TMEM91: variants seen among roughly 807,000 people sequenced by gnomAD.
TMEM91 encodes the protein dispanin subfamily C member 3.
A neutral mutation model predicts 13.3 loss-of-function variants in TMEM91; 6 were observed. The observed-to-expected ratio is 0.45, with a 90% CI of 0.25 to 0.89. The LOEUF (loss-of-function observed/expected upper bound fraction) is 0.89, where lower values mean the gene tolerates loss of function less well. TMEM91 is among the 40% of genes least tolerant of loss of function. The probability of loss-of-function intolerance (pLI) is 0.19; values close to 1 mark genes in which losing one functional copy is unlikely to be tolerated. For synonymous variants in TMEM91, 87 were observed against 101.7 expected (o/e 0.86, Z 0.87); for missense variants, 193 against 228.7 (o/e 0.84, Z 1.01).
upstream of TMEM91, among the ~76,000 whole-genome samples, chr19:41,373,189 C>A (rs879740905): frequency 6.6e-6 from 1 of 152,140 alleles, no homozygotes; most frequent in Non-Finnish European, 1.5e-5. Flanking sequence ...ATCCTCCCAC[C>A]TTGGCCTCCC....
intron 1 of TMEM91, among the ~76,000 whole-genome samples, chr19:41,368,434 T>A (rs8103493): frequency 3.6e-5 from 5 of 137,668 alleles, no homozygotes; most frequent in Non-Finnish European, 6.1e-5. Flanking sequence ...TTGGGGGGGG[T>A]GGTTATTGGG....
intron 2 of TMEM91, 51 bp from the exon 3 acceptor site, chr19:41,382,721 G>T (rs762328099): frequency 6.3e-7 from 1 of 1,589,474 alleles, no homozygotes; most frequent in Non-Finnish European, 8.6e-7. Context: ...CAGAGCAATG[G>T]GGCAGGAAAG....
upstream of TMEM91, among the ~76,000 whole-genome samples, chr19:41,375,283 T>C (rs995132069): frequency 2.3e-5 from 2 of 85,316 alleles, no homozygotes; most frequent in Admixed American, 1.1e-4. Flanking sequence ...CTTTTTTTTT[T>C]TTTTTTTTTT....
In TMEM91 at chr19:41,378,689, A is replaced by T. The variant is rs553443739; in HGVS notation, c.210+170A>T. Among the ~76,000 whole-genome samples the T allele has an allele frequency of 9.9e-5, 15 of 151,990 alleles. No homozygotes were observed. The South Asian group carries it at 1.0e-3, about 11-fold the overall frequency. On this transcript the variant is annotated intron_variant, in intron 2 of 3. Coordinates refer to ENST00000392002, the MANE Select transcript of TMEM91 (RefSeq NM_001098821.2). ...TTCCAGTTACGGTTCTTCTTGTTTT[A>T]TGTCTCTCATCTTTGTTGCCTGGCT...
At chr19:41,364,950 T>C (rs531000778) in intron 1 of TMEM91, among the ~76,000 whole-genome samples, 1 of 151,628 alleles carries the variant, frequency 6.6e-6, no homozygotes, top group East Asian at 1.9e-4. Flanking sequence ...TCACAGCTCA[T>C]TGCAGCCTCT....
chr19:41,370,236 C>T (rs929854599), intron 1 of TMEM91, among the ~76,000 whole-genome samples: 17 of 151,910 alleles, frequency 1.1e-4, no homozygotes, highest in African/African-American at 4.1e-4. Flanking sequence ...CACCACCATG[C>T]CTGGCTAATT....
intron 2 of TMEM91, among the ~76,000 whole-genome samples, chr19:41,381,517 C>T (rs562176470): frequency 6.6e-6 from 1 of 152,096 alleles, no homozygotes; most frequent in East Asian, 1.9e-4. Flanking sequence ...TGTGCCACCA[C>T]ACCCGGCTAA....
intron 1 of TMEM91, among the ~76,000 whole-genome samples, chr19:41,364,499 T>C (rs950236759): frequency 6.6e-6 from 1 of 151,924 alleles, no homozygotes; most frequent in African/African-American, 2.4e-5. Flanking sequence ...AAGGGGGAAT[T>C]CCTTCCAGGA....
chr19:41,372,928 C>CTTTTGTTTTTGTTTTTGT (rs113935602), upstream of TMEM91, among the ~76,000 whole-genome samples: 42 of 149,838 alleles, frequency 2.8e-4, no homozygotes, highest in East Asian at 7.3e-3. Flanking sequence ...ATCTCGTGAT[C>CTTTTGTTTTTGTTTTTGT]TTTTGTTTTT....
chr19:41,367,153 AAAAAG>A (rs1042583084), intron 1 of TMEM91, among the ~76,000 whole-genome samples: 3 of 152,164 alleles, frequency 2.0e-5, no homozygotes, highest in African/African-American at 7.2e-5. Context: ...AAAAAAGAAA[AAAAAG>A]AAAAGAAAGG....
upstream of TMEM91, among the ~76,000 whole-genome samples, chr19:41,375,491 G>A (rs935663509): frequency 1.3e-5 from 2 of 150,944 alleles, no homozygotes; most frequent in Non-Finnish European, 3.0e-5. Flanking sequence ...TGTCAGCCAG[G>A]ATGGTCTGGA....
intron 1 of TMEM91, among the ~76,000 whole-genome samples, chr19:41,366,986 C>T (rs2038538002): frequency 6.6e-6 from 1 of 151,174 alleles, no homozygotes; most frequent in Non-Finnish European, 1.5e-5. Context: ...CTAAAAAATA[C>T]CAAAACTAGA....
At chr19:41,379,530 G>A (rs1252134747) in intron 2 of TMEM91, among the ~76,000 whole-genome samples, 1 of 145,886 alleles carries the variant, frequency 6.9e-6, no homozygotes, top group Non-Finnish European at 1.5e-5. Flanking sequence ...CAGAAAGAAA[G>A]AAAAAGAGAG....
Position 41,383,935 on chromosome 19 carries a change from G to C in TMEM91, c.*62G>C. ...GCAGCCCAGCAAATCTGTGGGCAGAGAGTGGAGAATCTTGGTGGATGAGGC... is the reference window on the plus strand; with the variant it reads ...GCAGCCCAGCAAATCTGTGGGCAGACAGTGGAGAATCTTGGTGGATGAGGC... On this transcript the variant is annotated 3_prime_UTR_variant, in exon 4 of 4. Transcript: ENST00000392002. The C allele has an allele frequency of 1.9e-6, 3 of 1,574,038 alleles. No individual in the cohort carries two copies. Among genetic ancestry groups the C allele is most frequent in the Non-Finnish European group, 2.6e-6 (3 of 1,165,262 alleles).
At chr19:41,364,611 A>G in intron 1 of TMEM91, among the ~76,000 whole-genome samples, 1 of 152,032 alleles carries the variant, frequency 6.6e-6, no homozygotes, top group East Asian at 1.9e-4. Flanking sequence ...CTTCCGTTTT[A>G]GAGTTCCCCT....
At chr19:41,371,689 A>G (rs1398346293), upstream of TMEM91, among the ~76,000 whole-genome samples, 5 of 152,160 alleles carry the variant, frequency 3.3e-5, no homozygotes, top group East Asian at 9.7e-4. Flanking sequence ...AAGTGCTGAG[A>G]TCACACGTAT....
At position 41,378,456 on chromosome 19, in the gene TMEM91, C is replaced by T. The variant is rs1480708368; in HGVS notation, c.147C>T (p.Phe49=). The T allele has an allele frequency of 6.2e-7, 1 of 1,614,116 alleles. No homozygotes were observed. Among genetic ancestry groups the T allele is most frequent in the Non-Finnish European group, 8.5e-7 (1 of 1,180,002 alleles). ...CCGAGTCCCTGAGGGGTTTGCAGTT[C>T]CTGTCACCGCCTCTTCCCTCCGTGA... is the stretch of plus-strand genomic sequence containing the variant. ...AFAESLRGLQ[F]LSPPLPSVSA... is the part of the protein sequence containing the mutation. The change falls in exon 2 of 4, where the codon TTC becomes TTT. Residue 49 remains phenylalanine (F), a synonymous_variant. Coordinates refer to ENST00000392002, the MANE Select transcript of TMEM91 (RefSeq NM_001098821.2).
intron 2 of TMEM91, among the ~76,000 whole-genome samples, chr19:41,382,023 G>A (rs1422494890): frequency 2.0e-5 from 3 of 151,774 alleles, no homozygotes; most frequent in African/African-American, 2.4e-5. Context: ...ATACCACCAC[G>A]CCTGGCTAAT....
intron 1 of TMEM91, among the ~76,000 whole-genome samples, chr19:41,370,329 G>A (rs1438142327): frequency 1.3e-5 from 2 of 151,724 alleles, no homozygotes; most frequent in Non-Finnish European, 1.5e-5. Context: ...TGCCTGCTTC[G>A]GCCTCTCAAA....
Sources: gnomAD v4.1 joint callset for allele counts (sites outside exome capture counted in the v4.1 genomes callset) on GRCh38, gnomAD v4.1.1 for gene constraint, MANE v1.5 for transcripts, NCBI Gene and HGNC (gene_info 2026-07-23, HGNC 2026-07-21) for gene names.